The following ATP13A5 variants were observed in gnomAD, a reference collection of about 807,000 sequenced individuals.
ATP13A5 encodes probable cation-transporting ATPase 13A5.
ATP13A5 carries 149 observed loss-of-function variants against 150.2 expected under a neutral mutation model. The observed-to-expected ratio is 0.99, with a 90% CI of 0.87 to 1.14. The LOEUF is 1.14. Ranked by LOEUF, ATP13A5 falls within the 50% of genes most tolerant of loss-of-function variation. The pLI, the probability that ATP13A5 is intolerant of heterozygous loss-of-function variation, is 0.00. For synonymous variants in ATP13A5, 497 were observed against 522.2 expected, an observed-to-expected ratio of 0.95 and a Z score of 0.66; for missense variants, 1,383 against 1,449.3, an observed-to-expected ratio of 0.95 and a Z score of 0.74.
In ATP13A5 at chr3:193,310,752, G is replaced by C. The variant is rs75680718; in HGVS notation, c.2446-35C>G. 4,952 of 1,519,786 alleles carry C rather than the reference G, an allele frequency of 3.3e-3. 165 individuals carry two copies. In the African/African-American group the frequency reaches 0.061, roughly 19 times the overall value. The allele number at this position is 1,519,786 out of a possible 1,614,324, so 94.1% of individuals were successfully genotyped here. ...AAAAACAACCATTGCAATATGATTG[G>C]GAAGAAGAAAACTTTTAAAAATAAA... On this transcript the variant is annotated intron_variant, in intron 20 of 29. Transcript: ENST00000342358.
intron 16 of ATP13A5, 122 bp downstream of exon 16, chr3:193,321,559 A>G (rs1719277736): frequency 9.7e-7 from 1 of 1,031,302 alleles, no homozygotes; most frequent in Admixed American, 2.5e-5. Flanking sequence ...TGAACTTGGG[A>G]GGTGGAGGCT....
chr3:193,344,979 A>C (rs1712278172), intron 8 of ATP13A5, 24 bp downstream of exon 8: 1 of 1,594,434 alleles, frequency 6.3e-7, no homozygotes, highest in South Asian at 1.1e-5. Context: ...TAAGATGCTG[A>C]AGATGGCCTA....
rs1159739317 is a variant in ATP13A5, at chr3:193,331,226, C to T, written c.1358G>A (p.Gly453Asp). ...CAGTCTCTTCTGAGCATACACGTTG[C>T]CTATGGTCAGGGCAGCTGGCAGCAC... ...PPVLPAALTI[G>D]NVYAQKRLKK... The change falls in exon 12 of 30, where the codon GGC (glycine) becomes GAC (aspartate). Residue 453 changes from glycine (G) to aspartate (D), a missense_variant. Gly to Asp is a moderately conservative substitution (Grantham distance 94). Around this residue, in one of 3 missense-constraint regions of ATP13A5, gnomAD observed 787 missense variants for 771.9 expected, o/e 1.02. Coordinates refer to ENST00000342358, the MANE Select transcript of ATP13A5 (RefSeq NM_198505.4). The T allele has an allele frequency of 1.9e-6, 3 of 1,614,016 alleles. No homozygotes were observed. The highest frequency in any genetic ancestry group is 2.5e-6 in the Non-Finnish European group (3 of 1,179,968).
intron 21 of ATP13A5, 50 bp from the exon 22 acceptor site, chr3:193,307,419 T>C: frequency 6.2e-7 from 1 of 1,600,088 alleles, no homozygotes; most frequent in Non-Finnish European, 8.6e-7. Context: ...AATGAACAGC[T>C]CACTTGAATA....
Position 193,319,008 on chromosome 3 carries a change from T to C in ATP13A5, c.2016A>G (p.Glu672=). 6.2e-7 allele frequency: 1 copy of C among 1,613,738 alleles called. No individual in the cohort carries two copies. The highest frequency in any genetic ancestry group is 8.5e-7 in the Non-Finnish European group (1 of 1,179,682). ...HKTLKMGNLS[E]VEHLAREKVE... ...TTGCTTACCTGGCTAAGTGCTCGAC[T>C]TCTGAAAGATTCCCCATCTTTAAGG... The change falls in exon 17 of 30, where the codon GAA becomes GAG. Residue 672 remains glutamate, a synonymous_variant. Coordinates refer to ENST00000342358, the MANE Select transcript of ATP13A5 (RefSeq NM_198505.4).
intron 23 of ATP13A5, among the ~76,000 whole-genome samples, chr3:193,304,944 T>A (rs1718551173): frequency 6.6e-6 from 1 of 152,120 alleles, no homozygotes; most frequent in African/African-American, 2.4e-5. Context: ...ACTGCCACTT[T>A]AAAATTCATC....
chr3:193,334,489 T>C (rs1711769819), intron 10 of ATP13A5, among the ~76,000 whole-genome samples: 1 of 152,194 alleles, frequency 6.6e-6, no homozygotes, highest in African/African-American at 2.4e-5. Flanking sequence ...TAGTTTCAGA[T>C]TCGTTGGCTT....
rs184174951 is a variant in ATP13A5, at chr3:193,309,424, T to C, written c.2525+1214A>G. 3.4e-3 allele frequency among the ~76,000 whole-genome samples: 516 copies of C among 152,306 alleles called. 5 individuals are homozygous for C. The highest frequency in any genetic ancestry group is 0.012 in the African/African-American group (497 of 41,558). ...AAGCATGGGAGGGTTCTCTAAGATA[T>C]ATGCCTTATGGCCCACAGAACAAAT... On this transcript the variant is annotated intron_variant, in intron 21 of 29. Coordinates refer to ENST00000342358, the MANE Select transcript of ATP13A5 (RefSeq NM_198505.4).
chr3:193,355,709 CT>C (rs1268315424), intron 5 of ATP13A5, among the ~76,000 whole-genome samples: 2 of 151,994 alleles, frequency 1.3e-5, no homozygotes, highest in African/African-American at 2.4e-5. Flanking sequence ...TCTTAAGTCC[CT>C]AAACCTCCCG....
chr3:193,341,684 A>G (rs746699677), intron 9 of ATP13A5, among the ~76,000 whole-genome samples: 1 of 152,202 alleles, frequency 6.6e-6, no homozygotes, highest in Non-Finnish European at 1.5e-5. Context: ...AGGGTGAGGA[A>G]GACCACCTAA....
intron 28 of ATP13A5, among the ~76,000 whole-genome samples, chr3:193,279,152 G>A (rs1717362975): frequency 6.6e-6 from 1 of 152,116 alleles, no homozygotes. Flanking sequence ...GGTAGGTACA[G>A]GATAAATGTA....
chr3:193,350,520 C>T (rs1357285982), intron 7 of ATP13A5, among the ~76,000 whole-genome samples: 1 of 152,130 alleles, frequency 6.6e-6, no homozygotes, highest in Non-Finnish European at 1.5e-5. Flanking sequence ...CATCCCCTAA[C>T]TCCCACACAG....
At position 193,290,030 on chromosome 3, in the gene ATP13A5, C is replaced by G; in HGVS notation, c.2878G>C (p.Ala960Pro). The change falls in exon 26 of 30, where the codon GCT (alanine) becomes CCT (proline). Residue 960 changes from alanine to proline, a missense_variant. Transcript: ENST00000342358. Reference sequence around the variant, plus strand: ...AGCTGTCCTGCTGGTCTATATGGAGCCAGCTTTGGGTAGGCATGAGTTGAA... The same window carrying G: ...AGCTGTCCTGCTGGTCTATATGGAGGCAGCTTTGGGTAGGCATGAGTTGAA... The part of the protein sequence containing the change: ...MSSTHAYPKL[A>P]PYRPAGQLLS... 6.2e-7 allele frequency: 1 copy of G among 1,610,240 alleles called. No homozygotes were observed. Among genetic ancestry groups the G allele is most frequent in the Non-Finnish European group, 8.5e-7 (1 of 1,178,478 alleles).
intron 28 of ATP13A5, 76 bp from the exon 29 acceptor site, chr3:193,276,906 T>G: frequency 2.7e-6 from 3 of 1,107,038 alleles, no homozygotes; most frequent in Non-Finnish European, 3.9e-6. Flanking sequence ...ATTATTTAAT[T>G]TATAGATTTG....
chr3:193,311,720 G>T, intron 20 of ATP13A5, 96 bp downstream of exon 20: 3 of 1,516,342 alleles, frequency 2.0e-6, no homozygotes, highest in Non-Finnish European at 2.7e-6. Context: ...CTAACTGTGA[G>T]GCAACCTCAG....
At chr3:193,322,444 C>T (rs1243491838) in intron 15 of ATP13A5, 47 bp downstream of exon 15, 2 of 1,369,564 alleles carry the variant, frequency 1.5e-6, no homozygotes, top group Non-Finnish European at 2.1e-6. Flanking sequence ...AATGTTTTAC[C>T]AGTTTTATGG....
chr3:193,333,689 G>T, intron 11 of ATP13A5, 61 bp downstream of exon 11: 1 of 1,495,654 alleles, frequency 6.7e-7, no homozygotes, highest in South Asian at 1.2e-5. Flanking sequence ...CCAATCCTCT[G>T]AGTTAGGTCA....
intron 1 of ATP13A5, among the ~76,000 whole-genome samples, chr3:193,375,913 C>T (rs951016): frequency 0.24 from 36,042 of 152,088 alleles, 4,278 homozygotes; most frequent in South Asian, 0.3. Context: ...TTATTTGCCT[C>T]GACTGTCTCT....
chr3:193,278,644 G>C (rs905372467), intron 28 of ATP13A5, among the ~76,000 whole-genome samples: 1 of 152,112 alleles, frequency 6.6e-6, no homozygotes, highest in Non-Finnish European at 1.5e-5. Flanking sequence ...TTGAACCCAG[G>C]TCAAGTTGCA....
Sources: gnomAD v4.1 joint callset for allele counts (sites outside exome capture counted in the v4.1 genomes callset) on GRCh38, gnomAD v4.1.1 for gene constraint, gnomAD v4.1.1 regional missense constraint, MANE v1.5 for transcripts, NCBI Gene and HGNC (gene_info 2026-07-23, HGNC 2026-07-21) for gene names.